NCOA7: variants seen among roughly 807,000 people sequenced by gnomAD.
NCOA7 encodes 140 kDa estrogen receptor-associated protein.
A neutral mutation model predicts 104.3 loss-of-function variants in NCOA7; 45 were observed. That is an observed-to-expected ratio of 0.43 (90% CI 0.34 to 0.55). NCOA7 has a LOEUF of 0.55. NCOA7 is among the 20% of genes least tolerant of loss of function. NCOA7 has a pLI of 0.02. For synonymous variants in NCOA7, 398 were observed against 402.3 expected, an observed-to-expected ratio of 0.99 and a Z score of 0.13; for missense variants, 1,041 against 1,119.7, an observed-to-expected ratio of 0.93 and a Z score of 1.00.
intron 4 of NCOA7, chr6:125,875,217 G>A: frequency 2.6e-6 from 1 of 383,978 alleles, no homozygotes. Flanking sequence ...TTGACCACCA[G>A]CATTGTTTAG....
In NCOA7 at chr6:125,830,737, A is replaced by ATGTGTGTGTGTGTGTGTG. The variant is rs890797445; in HGVS notation, c.50+15339_50+15356dup. On this transcript the variant is annotated intron_variant, in intron 2 of 15. Transcript: ENST00000392477. ...CTATATATTTTATATATATATATAT[A>ATGTGTGTGTGTGTGTGTG]TGTGTGTGTGTGTGTGTGTGTGTAT... 5.4e-5 allele frequency among the ~76,000 whole-genome samples: 5 copies of ATGTGTGTGTGTGTGTGTG among 93,054 alleles called. No individual in the cohort carries two copies. The East Asian group carries it at 7.8e-4, about 15-fold the overall frequency. The allele number at this position is 93,054 out of a possible 152,430, so 61.0% of individuals were successfully genotyped here. A position where few individuals can be genotyped will look rare whatever the true frequency, so the allele number is the denominator to read the frequency against.
chr6:125,836,613 A>T (rs1562869397), intron 2 of NCOA7, among the ~76,000 whole-genome samples: 1 of 152,212 alleles, frequency 6.6e-6, no homozygotes, highest in Non-Finnish European at 1.5e-5. Context: ...TTATGGCTTA[A>T]TGCAGGAGTA....
intron 1 of NCOA7, chr6:125,810,364 G>A (rs1010150819): frequency 1.3e-5 from 2 of 152,100 alleles, no homozygotes; most frequent in Non-Finnish European, 2.9e-5. Flanking sequence ...ATTTTTATGT[G>A]CTATTTTTAT....
intron 1 of NCOA7, among the ~76,000 whole-genome samples, chr6:125,808,111 T>A (rs1776629099): frequency 6.6e-6 from 1 of 152,180 alleles, no homozygotes; most frequent in Non-Finnish European, 1.5e-5. Context: ...TGTCCTCTCG[T>A]CTACCAGCCC....
At chr6:125,821,236 A>G (rs1778147359) in intron 2 of NCOA7, among the ~76,000 whole-genome samples, 1 of 152,202 alleles carries the variant, frequency 6.6e-6, no homozygotes, top group Non-Finnish European at 1.5e-5. Context: ...AAAGTGATCC[A>G]GATTATCTTC....
At chr6:125,895,995 G>A (rs1784981744) in intron 10 of NCOA7, among the ~76,000 whole-genome samples, 1 of 148,290 alleles carries the variant, frequency 6.7e-6, no homozygotes, top group South Asian at 2.1e-4. Flanking sequence ...GTGTGTCTGT[G>A]TGTGTATATA....
intron 12 of NCOA7, among the ~76,000 whole-genome samples, chr6:125,921,865 AT>A (rs1238786766): frequency 1.3e-5 from 2 of 152,176 alleles, no homozygotes; most frequent in Non-Finnish European, 2.9e-5. Context: ...TTTACTTGAA[AT>A]TCATGAAATA....
At chr6:125,926,705 G>C (rs1788069663) in intron 13 of NCOA7, among the ~76,000 whole-genome samples, 1 of 152,142 alleles carries the variant, frequency 6.6e-6, no homozygotes, top group South Asian at 2.1e-4. Flanking sequence ...CTGAGTGTAA[G>C]TGGTGAAGAA....
chr6:125,880,835 C>T (rs1783764480), intron 5 of NCOA7, among the ~76,000 whole-genome samples: 2 of 151,946 alleles, frequency 1.3e-5, no homozygotes, highest in South Asian at 4.1e-4. Context: ...CCTGGCCTTG[C>T]TCTCCCTTTC....
intron 3 of NCOA7, among the ~76,000 whole-genome samples, chr6:125,869,992 C>T (rs1338287661): frequency 6.6e-6 from 1 of 152,182 alleles, no homozygotes; most frequent in African/African-American, 2.4e-5. Context: ...ATGCCATTCC[C>T]CTAACTATTC....
chr6:125,782,956 G>A (rs148269588), intron 1 of NCOA7, among the ~76,000 whole-genome samples: 22 of 152,224 alleles, frequency 1.4e-4, no homozygotes, highest in Non-Finnish European at 2.4e-4. Flanking sequence ...TGAAAGAGGC[G>A]GGGGGCAGAG....
Position 125,813,228 on chromosome 6 carries a change from A to G in NCOA7, c.-64-2063A>G, listed in dbSNP as rs139459147. Among the ~76,000 whole-genome samples, 84 of 152,210 alleles carry G rather than the reference A, an allele frequency of 5.5e-4. 4 individuals carry two copies. In the East Asian group the frequency reaches 0.016, roughly 29 times the overall value. Reference sequence around the variant, plus strand: ...CCGCTGGGTTCAGCATGAGCAATTGATGGCCTCTGACAAGGTGCAGTGAAG... The same window carrying G: ...CCGCTGGGTTCAGCATGAGCAATTGGTGGCCTCTGACAAGGTGCAGTGAAG... On this transcript the variant is annotated intron_variant, in intron 1 of 15. Coordinates refer to ENST00000392477, the MANE Select transcript of NCOA7 (RefSeq NM_181782.5).
At chr6:125,919,146 A>G in intron 11 of NCOA7, 4 of 1,187,082 alleles carry the variant, frequency 3.4e-6, no homozygotes, top group Non-Finnish European at 4.6e-6. Flanking sequence ...CCTGGCAGGA[A>G]GTGTGTTTGC....
rs1783931378 is a variant in NCOA7 at position 125,882,569 on chromosome 6, T to A, written c.699+18T>A. 1.0e-5 allele frequency: 16 copies of A among 1,606,618 alleles called. No homozygotes were observed. The highest frequency in any genetic ancestry group is 1.4e-5 in the Non-Finnish European group (16 of 1,176,780). ...ATGGAAAGGTATATAGCAATGTAAT[T>A]TGTTTCCTTTCCTTGAAATCTATGA... On this transcript the variant is annotated intron_variant, in intron 7 of 15. Coordinates refer to ENST00000392477, the MANE Select transcript of NCOA7 (RefSeq NM_181782.5).
At chr6:125,900,477 CAA>C (rs1181915254) in intron 10 of NCOA7, among the ~76,000 whole-genome samples, 1 of 152,094 alleles carries the variant, frequency 6.6e-6, no homozygotes, top group Admixed American at 6.5e-5. Context: ...TTTGGTGAAC[CAA>C]AGAGTATTTT....
intron 10 of NCOA7, among the ~76,000 whole-genome samples, chr6:125,913,295 GA>G (rs1464272530): frequency 6.6e-6 from 1 of 152,178 alleles, no homozygotes; most frequent in Non-Finnish European, 1.5e-5. Flanking sequence ...CAAGCCTGAA[GA>G]AAGTCTGAAG....
intron 11 of NCOA7, among the ~76,000 whole-genome samples, chr6:125,917,017 G>C (rs1472182782): frequency 6.6e-6 from 1 of 152,100 alleles, no homozygotes; most frequent in Non-Finnish European, 1.5e-5. Context: ...TGTATAACTT[G>C]TCATTTAAAT....
intron 10 of NCOA7, among the ~76,000 whole-genome samples, chr6:125,892,971 G>A (rs756252461): frequency 7.2e-5 from 11 of 152,120 alleles, no homozygotes; most frequent in Non-Finnish European, 1.6e-4. Context: ...GTTTAAGTAG[G>A]GGGAAGATGA....
chr6:125,801,609 G>A (rs1583241047), intron 1 of NCOA7, among the ~76,000 whole-genome samples: 3 of 152,166 alleles, frequency 2.0e-5, no homozygotes, highest in African/African-American at 7.2e-5. Flanking sequence ...CAGCAGGGCC[G>A]TGTTCCCGCT....
Sources: allele counts gnomAD v4.1 joint callset (sites outside exome capture counted in the v4.1 genomes callset), GRCh38; gene constraint gnomAD v4.1.1; transcripts MANE v1.5; gene names NCBI Gene and HGNC (gene_info 2026-07-23, HGNC 2026-07-21).